Variants in SLC26A6 observed in about 807,000 individuals in gnomAD.
The protein encoded by SLC26A6 is solute carrier family 26 member 6.
Under a neutral mutation model 87.1 loss-of-function variants are expected in SLC26A6, and 67 were observed. The ratio of observed to expected loss-of-function variants is 0.77; its 90% confidence interval spans 0.63 to 0.94. SLC26A6 has a LOEUF of 0.94. SLC26A6 is among the 40% of genes least tolerant of loss of function. The pLI, the probability that SLC26A6 is intolerant of heterozygous loss-of-function variation, is 0.00. For missense variants in SLC26A6, 902 were observed against 973.0 expected (o/e 0.93, Z 0.97); for synonymous variants, 414 against 405.9 (o/e 1.02, Z -0.24).
rs2046863480 is a variant in SLC26A6 at position 48,633,305 on chromosome 3, G to A, written c.268C>T (p.Leu90Phe). 2 of 1,613,612 alleles carry A rather than the reference G, an allele frequency of 1.2e-6. No homozygotes were observed. Among genetic ancestry groups the A allele is most frequent in the East Asian group, 2.2e-5 (1 of 44,888 alleles). The change falls in exon 3 of 21, where the codon CTC becomes TTC. Residue 90 changes from leucine (L) to phenylalanine (F), a missense_variant. Physicochemically the swap from Leu to Phe is conservative, Grantham distance 22. This residue lies in a region of SLC26A6 where 800 missense variants were observed against 856.8 expected (regional missense o/e 0.93). Transcript: ENST00000395550. ...AGGCCGGATAACAGGTCACCCAGGA[G>A]CCAGTCACGCACAGGATACCGGGGT... Reference protein sequence around the residue: ...WLPRYPVRDWLLGDLLSGLSV... With the variant: ...WLPRYPVRDWFLGDLLSGLSV...
Position 48,632,015 on chromosome 3 carries a change from G to C in SLC26A6, c.615C>G (p.Phe205Leu), listed in dbSNP as rs200099722. The change falls in exon 6 of 21, where the codon TTC becomes TTG. Residue 205 changes from phenylalanine to leucine, a missense_variant. Transcript: ENST00000395550. ...GAGGTTCTGACAGGTAGGTGACCAC[G>C]AAGCCGAAGTGGATCAGGCCCAGCC... ...QVGLGLIHFGFVVTYLSEPLV... is the reference protein window; with the variant it reads ...QVGLGLIHFGLVVTYLSEPLV... The C allele has an allele frequency of 6.2e-7, 1 of 1,613,382 alleles. No individual in the cohort carries two copies. The highest frequency in any genetic ancestry group is 1.7e-5 in the Admixed American group (1 of 60,020).
chr3:48,629,664 C>T lies in SLC26A6; in HGVS notation c.1577G>A (p.Arg526Lys). Reference protein sequence around the residue: ...LGQVPDTDIYRDVAEYSEAKE... With the variant: ...LGQVPDTDIYKDVAEYSEAKE... ...CACCTCTGAGTACTCTGCCACATCT[C>T]TGTAAATATCCGTGTCTGGCACCTG... Residue 526 changes from arginine to lysine, a missense_variant, in exon 14 of 21, where the codon AGA (arginine) becomes AAA (lysine). Physicochemically the swap from Arg to Lys is conservative, Grantham distance 26. Transcript: ENST00000395550. 1 of 1,613,488 alleles carries T rather than the reference C, an allele frequency of 6.2e-7. No homozygotes were observed. Among genetic ancestry groups the T allele is most frequent in the Non-Finnish European group, 8.5e-7 (1 of 1,179,712 alleles).
At position 48,626,350 on chromosome 3, in the gene SLC26A6, A is replaced by C; in HGVS notation, c.2133T>G (p.Pro711=). 1 of 1,614,006 alleles carries C rather than the reference A, an allele frequency of 6.2e-7. No individual in the cohort carries two copies. Among genetic ancestry groups the C allele is most frequent in the South Asian group, 1.1e-5 (1 of 91,078 alleles). ...GCCCAGCCTCAAGCTGGCTGACCAC[A>C]GGGCCTGTGGGCAAGAAGTAGGCCT... ...VEVYMAACHS[P]VVSQLEAGHF... The change falls in exon 20 of 21, where the codon CCT becomes CCG. Residue 711 remains proline (P), a synonymous_variant. Transcript: ENST00000395550.
Position 48,635,402 on chromosome 3 carries a change from A to C in SLC26A6, c.-9T>G, listed in dbSNP as rs2046929115. The C allele has an allele frequency of 1.3e-6, 2 of 1,583,320 alleles. No homozygotes were observed. The highest frequency in any genetic ancestry group is 1.7e-6 in the Non-Finnish European group (2 of 1,166,006). On this transcript the variant is annotated 5_prime_UTR_variant, in exon 1 of 21. Transcript: ENST00000395550. ...GCATCCGCCAGCCCCATGGCTCGCAAGTTGTCCGGTGCGGGCTGCTCCTGC... is the reference window on the plus strand; with the variant it reads ...GCATCCGCCAGCCCCATGGCTCGCACGTTGTCCGGTGCGGGCTGCTCCTGC...
At position 48,629,928 on chromosome 3, in the gene SLC26A6, A is replaced by G. The variant is rs746953935; in HGVS notation, c.1473T>C (p.Leu491=). ...FTATILLNLD[L]GLVVAVIFSL... ...AGAAGATGACCGCAACCACCAAGCC[A>G]AGGTCCAGGTTCAGCAAGATGGTGG... Residue 491 remains leucine (L), a synonymous_variant, in exon 13 of 21, where the codon CTT becomes CTC. Coordinates refer to ENST00000395550, the MANE Select transcript of SLC26A6 (RefSeq NM_022911.3). 5 of 1,613,950 alleles carry G rather than the reference A, an allele frequency of 3.1e-6. No homozygotes were observed. Among genetic ancestry groups the G allele is most frequent in the Admixed American group, 3.3e-5 (2 of 59,998 alleles).
Position 48,628,117 on chromosome 3 carries a change from C to T in SLC26A6, c.1801-79G>A. 1 of 1,355,858 alleles carries T rather than the reference C, an allele frequency of 7.4e-7. No individual in the cohort carries two copies. The highest frequency in any genetic ancestry group is 1.0e-6 in the Non-Finnish European group (1 of 992,826). 84.0% of individuals were successfully genotyped at this position (1,355,858 alleles called of 1,614,324 possible). ...CCATGTCACATAGGCCTGGTGATGC[C>T]CCCTGGTGCTGGGCAGGTGGGTGGG... On this transcript the variant is annotated intron_variant, in intron 16 of 20. Transcript: ENST00000395550. This position sits in a 1 kb window ranked among gnomAD's most constrained non-coding sequence, Gnocchi z 4.4.
chr3:48,635,275 C>T, intron 1 of SLC26A6, 96 bp downstream of exon 1: 1 of 1,216,982 alleles, frequency 8.2e-7, no homozygotes, highest in Non-Finnish European at 1.1e-6. Context: ...GCGTCGCAAG[C>T]GGAGAATGCC....
At chr3:48,626,789 G>T in intron 18 of SLC26A6, 87 bp downstream of exon 18, 1 of 1,606,414 alleles carries the variant, frequency 6.2e-7, no homozygotes, top group East Asian at 2.2e-5. Flanking sequence ...TTGAGGGTTT[G>T]GGGAGTCAGA....
At position 48,629,882 on chromosome 3, in the gene SLC26A6, G is replaced by A. The variant is rs756193232; in HGVS notation, c.1519C>T (p.Arg507Trp). The change falls in exon 13 of 21, where the codon CGG becomes TGG. Residue 507 changes from arginine (R) to tryptophan (W), a missense_variant. Around this residue, in one of 3 missense-constraint regions of SLC26A6, gnomAD observed 800 missense variants for 856.8 expected, o/e 0.93. Coordinates refer to ENST00000395550, the MANE Select transcript of SLC26A6 (RefSeq NM_022911.3). Reference protein sequence around the residue: ...VIFSLLLVVVRTQMPHYSVLG... With the variant: ...VIFSLLLVVVWTQMPHYSVLG... ...ACATGGCGGACTCACATCTGTGTCC[G>A]GACCACCACGAGCAGCAGGGAGAAG... The A allele has an allele frequency of 1.4e-5, 22 of 1,613,988 alleles. No individual in the cohort carries two copies. Among genetic ancestry groups the A allele is most frequent in the African/African-American group, 4.0e-5 (3 of 74,924 alleles).
intron 9 of SLC26A6, 82 bp downstream of exon 9, chr3:48,630,911 G>A: frequency 1.3e-6 from 2 of 1,579,224 alleles, no homozygotes; most frequent in East Asian, 2.2e-5. Flanking sequence ...CTGTCTCCCT[G>A]TGTCCCACCG....
rs548115014 is a variant in SLC26A6, at chr3:48,631,900, C to A, written c.730G>T (p.Gly244Trp). The A allele has an allele frequency of 1.2e-6, 2 of 1,613,654 alleles. No homozygotes were observed. The highest frequency in any genetic ancestry group is 2.2e-5 in the South Asian group (2 of 91,080). Residue 244 changes from glycine (G) to tryptophan (W), a missense_variant, in exon 6 of 21, where the codon GGG becomes TGG. Around this residue, in one of 3 missense-constraint regions of SLC26A6, gnomAD observed 800 missense variants for 856.8 expected, o/e 0.93. Transcript: ENST00000395550. ...CTCACATAGATGAGGGACAGTGGCC[C>A]AGAGTGGCTGCTCAGATGGAGGCCA... The part of the protein sequence containing the change: ...VFGLHLSSHS[G>W]PLSLIYTVLE...
rs775662055 is a variant in SLC26A6 at position 48,628,644 on chromosome 3, T to G, written c.1670A>C (p.Tyr557Ser). Residue 557 changes from tyrosine (Y) to serine (S), a missense_variant, in exon 15 of 21, where the codon TAC (tyrosine) becomes TCC (serine). Around this residue, in one of 3 missense-constraint regions of SLC26A6, gnomAD observed 800 missense variants for 856.8 expected, o/e 0.93. Coordinates refer to ENST00000395550, the MANE Select transcript of SLC26A6 (RefSeq NM_022911.3). The surrounding 1 kb of genome is among the most constrained non-coding windows in gnomAD (Gnocchi z 4.4). ...CACCCTCTGCTTCAGCGCATCACTG[T>G]AGAACTCAGCATTGGCAAAGTACAC... The part of the protein sequence containing the change: ...ATVYFANAEF[Y>S]SDALKQRCGV... 5.6e-6 allele frequency: 9 copies of G among 1,613,758 alleles called. No individual in the cohort carries two copies. Among genetic ancestry groups the G allele is most frequent in the Non-Finnish European group, 7.6e-6 (9 of 1,179,936 alleles).
At chr3:48,634,732 T>C (rs2046906492) in intron 1 of SLC26A6, 6 of 985,378 alleles carry the variant, frequency 6.1e-6, no homozygotes, top group Admixed American at 6.1e-5. Context: ...GGAACTCACC[T>C]GGGAAGCGCC....
chr3:48,628,367 C>T lies in SLC26A6; in HGVS notation c.1800+67G>A, dbSNP rs2046683600. The T allele has an allele frequency of 2.5e-6, 4 of 1,593,280 alleles. No homozygotes were observed. In the East Asian group the frequency reaches 9.0e-5, roughly 36 times the overall value. ...TGAGGACGAGGGAGGAGTCGGGGGC[C>T]AGGAGAAAGGCTGGGGCAGGGAACA... On this transcript the variant is annotated intron_variant, in intron 16 of 20. Coordinates refer to ENST00000395550, the MANE Select transcript of SLC26A6 (RefSeq NM_022911.3). This position sits in a 1 kb window ranked among gnomAD's most constrained non-coding sequence, Gnocchi z 4.4.
Position 48,628,262 on chromosome 3 carries a change from G to A in SLC26A6, c.1800+172C>T. Reference sequence around the variant, plus strand: ...TGGTTCAGATGATGGGAGAGAAAATGCTGCCTAGAGCCCGGACCTGCTAGG... The same window carrying A: ...TGGTTCAGATGATGGGAGAGAAAATACTGCCTAGAGCCCGGACCTGCTAGG... On this transcript the variant is annotated intron_variant, in intron 16 of 20. Coordinates refer to ENST00000395550, the MANE Select transcript of SLC26A6 (RefSeq NM_022911.3). This position sits in a 1 kb window ranked among gnomAD's most constrained non-coding sequence, Gnocchi z 4.4. 1 of 854,282 alleles carries A rather than the reference G, an allele frequency of 1.2e-6. No individual in the cohort carries two copies. The highest frequency in any genetic ancestry group is 1.8e-6 in the Non-Finnish European group (1 of 556,186). 52.9% of individuals were successfully genotyped at this position (854,282 alleles called of 1,614,324 possible).
chr3:48,633,160 G>A, intron 3 of SLC26A6, 76 bp from the exon 4 acceptor site: 1 of 1,583,986 alleles, frequency 6.3e-7, no homozygotes, highest in East Asian at 2.3e-5. Context: ...CCCTGGGTTA[G>A]GTGCCATAGT....
At position 48,625,915 on chromosome 3, in the gene SLC26A6, C is replaced by T; in HGVS notation, c.*71G>A. 1.9e-6 allele frequency: 3 copies of T among 1,607,378 alleles called. No individual in the cohort carries two copies. Among genetic ancestry groups the T allele is most frequent in the Non-Finnish European group, 2.6e-6 (3 of 1,175,888 alleles). ...CTCCTGGGTAGCACCTGGAGGCGGC[C>T]TAGGGGTGAGGGGCTTCTCAAGGGT... On this transcript the variant is annotated 3_prime_UTR_variant, in exon 21 of 21. Transcript: ENST00000395550. This position sits in a 1 kb window ranked among gnomAD's most constrained non-coding sequence, Gnocchi z 4.7.
chr3:48,631,095 G>C lies in SLC26A6; in HGVS notation c.1032C>G (p.Leu344=), dbSNP rs376155566. ...CAGCGATGGTGAAGGCGCTGCCCAC[G>C]AGCTTTGAGAACAGCTGGGTGTTGG... ...VAPNTQLFSK[L]VGSAFTIAVV... Residue 344 remains leucine, a synonymous_variant, in exon 9 of 21, where the codon CTC becomes CTG. Transcript: ENST00000395550. 1 of 1,613,594 alleles carries C rather than the reference G, an allele frequency of 6.2e-7. No individual in the cohort carries two copies. The highest frequency in any genetic ancestry group is 8.5e-7 in the Non-Finnish European group (1 of 1,180,040).
rs768192442 is a variant in SLC26A6 at position 48,629,876 on chromosome 3, G to A, written c.1525C>T (p.Gln509Ter). Residue 509 changes from glutamine to a stop codon, truncating the protein, a stop_gained, in exon 13 of 21, where the codon CAG becomes TAG. Coordinates refer to ENST00000395550, the MANE Select transcript of SLC26A6 (RefSeq NM_022911.3). LOFTEE classifies it high-confidence loss of function. The part of the protein sequence containing the change: ...FSLLLVVVRT[Q>*]MPHYSVLGQV... ...GGACCAACATGGCGGACTCACATCTGTGTCCGGACCACCACGAGCAGCAGG... is the reference window on the plus strand; with the variant it reads ...GGACCAACATGGCGGACTCACATCTATGTCCGGACCACCACGAGCAGCAGG... 6.2e-7 allele frequency: 1 copy of A among 1,614,162 alleles called. No homozygotes were observed.
Sources: gnomAD v4.1 joint callset for allele counts on GRCh38, gnomAD v4.1.1 for gene constraint, gnomAD v4.1.1 regional missense constraint, Gnocchi (gnomAD v3.1) non-coding constraint, MANE v1.5 for transcripts, NCBI Gene and HGNC (gene_info 2026-07-23, HGNC 2026-07-21) for gene names.